Variants in PLEKHH2 observed in about 807,000 individuals in gnomAD.
PLEKHH2 encodes the protein pleckstrin homology, MyTH4 and FERM domain containing H2, also known as pleckstrin homology domain-containing family H member 2.
Under a neutral mutation model 187.9 loss-of-function variants are expected in PLEKHH2, and 129 were observed. The ratio of observed to expected loss-of-function variants is 0.69; its 90% confidence interval spans 0.59 to 0.79. PLEKHH2 has a LOEUF of 0.79. Among genes scored for constraint, PLEKHH2 ranks in the 30% least tolerant of loss-of-function variants. The probability of loss-of-function intolerance (pLI) is 0.00; values close to 1 mark genes in which losing one functional copy is unlikely to be tolerated. For missense variants in PLEKHH2, 2,076 were observed against 1,751.2 expected, an observed-to-expected ratio of 1.19 and a Z score of -3.31; for synonymous variants, 686 against 605.6, an observed-to-expected ratio of 1.13 and a Z score of -1.95.
chr2:43,712,610 C>T (rs1317845540), intron 15 of PLEKHH2, among the ~76,000 whole-genome samples: 6 of 152,108 alleles, frequency 3.9e-5, no homozygotes, highest in East Asian at 1.9e-4. Context: ...AAAAATTCTA[C>T]GAGCAGAATT....
intron 2 of PLEKHH2, among the ~76,000 whole-genome samples, chr2:43,647,285 A>G (rs1388740346): frequency 1.3e-5 from 2 of 152,260 alleles, no homozygotes; most frequent in African/African-American, 4.8e-5. Context: ...TGAGGTAGTT[A>G]CTAATATTAT....
At chr2:43,762,609 A>T (rs1426361750) in intron 28 of PLEKHH2, among the ~76,000 whole-genome samples, 1 of 152,180 alleles carries the variant, frequency 6.6e-6, no homozygotes, top group African/African-American at 2.4e-5. Context: ...TATGAGAAAA[A>T]TCTTGATACC....
chr2:43,701,806 C>G (rs375060045), intron 8 of PLEKHH2, among the ~76,000 whole-genome samples: 2 of 126,236 alleles, frequency 1.6e-5, no homozygotes, highest in African/African-American at 6.2e-5. Flanking sequence ...TCACTCTTGT[C>G]TCCCGGGCTA....
chr2:43,747,109 C>T lies in PLEKHH2; in HGVS notation c.3653+1146C>T, dbSNP rs201858898. ...TTCTTTCTGTCTCTCTCTCTCTCTC[C>T]CTCTCTCTCTCTCTCTCTCTCTCTC... On this transcript the variant is annotated intron_variant, in intron 24 of 29. Coordinates refer to ENST00000282406, the MANE Select transcript of PLEKHH2 (RefSeq NM_172069.4). Among the ~76,000 whole-genome samples, 492 of 126,030 alleles carry T rather than the reference C, an allele frequency of 3.9e-3. 1 individual carries two copies. The highest frequency in any genetic ancestry group is 9.8e-3 in the African/African-American group (307 of 31,326). The allele number at this position is 126,030 out of a possible 152,430, so 82.7% of individuals were successfully genotyped here.
chr2:43,726,450 A>T lies in PLEKHH2; in HGVS notation c.2720A>T (p.Lys907Met), dbSNP rs1421514419. ...TYLLIGSKHE[K>M]DTWLYHLTVA... ...CTCCTAATTGGATCCAAGCATGAAA[A>T]GGTATTCAAAGACTTATTGGTTGAT... Residue 907 changes from lysine (K) to methionine (M), a missense_variant and splice_region_variant, in exon 17 of 30, where the codon AAG becomes ATG. Transcript: ENST00000282406. 1 of 1,595,970 alleles carries T rather than the reference A, an allele frequency of 6.3e-7. No individual in the cohort carries two copies. The highest frequency in any genetic ancestry group is 1.7e-5 in the Admixed American group (1 of 59,922).
chr2:43,744,867 C>CAAAA (rs774106764), intron 23 of PLEKHH2, among the ~76,000 whole-genome samples: 32 of 82,612 alleles, frequency 3.9e-4, no homozygotes, highest in African/African-American at 5.1e-4. Flanking sequence ...GACTGTCTCA[C>CAAAA]AAAAAAAAAA....
chr2:43,691,602 G>A lies in PLEKHH2; in HGVS notation c.187-912G>A, dbSNP rs1347251573. Among the ~76,000 whole-genome samples, 4 of 152,160 alleles carry A rather than the reference G, an allele frequency of 2.6e-5. 1 individual carries two copies. Among genetic ancestry groups the A allele is most frequent in the African/African-American group, 7.2e-5 (3 of 41,448 alleles). On this transcript the variant is annotated intron_variant, in intron 3 of 29. Transcript: ENST00000282406. The stretch of plus-strand genomic sequence containing the variant: ...CAGCTTGAAGGTTGGGTTTCACCAG[G>A]GACCTGCCCCATCTGCCTAGGCATT...
rs531252733 is a variant in PLEKHH2 at position 43,646,674 on chromosome 2, T to C, written c.123+1878T>C. 9.6e-4 allele frequency among the ~76,000 whole-genome samples: 146 copies of C among 152,274 alleles called. 1 individual carries two copies. Among genetic ancestry groups the C allele is most frequent in the African/African-American group, 3.4e-3 (142 of 41,572 alleles). On this transcript the variant is annotated intron_variant, in intron 2 of 29. Transcript: ENST00000282406. ...AAAAGTGTTGTTATCTCCAGTAATT[T>C]CTCTATAAGTAAAATAGCTTTTTTA... is the stretch of plus-strand genomic sequence containing the variant.
In PLEKHH2 at chr2:43,672,432, T is replaced by C. The variant is rs1574510061; in HGVS notation, c.124-6431T>C. On this transcript the variant is annotated intron_variant, in intron 2 of 29. Transcript: ENST00000282406. ...AAATTTCTGTTGGCTTTAGGTTTAATTTGCTCTTCCTAATGACTTTAATTC... is the reference window on the plus strand; with the variant it reads ...AAATTTCTGTTGGCTTTAGGTTTAACTTGCTCTTCCTAATGACTTTAATTC... Among the ~76,000 whole-genome samples the C allele has an allele frequency of 3.3e-5, 5 of 152,340 alleles. No individual in the cohort carries two copies. The South Asian group carries it at 1.0e-3, about 32-fold the overall frequency.
chr2:43,760,587 T>A (rs10205491), intron 27 of PLEKHH2, among the ~76,000 whole-genome samples: 209 of 152,278 alleles, frequency 1.4e-3, no homozygotes, highest in African/African-American at 4.9e-3. Flanking sequence ...AGTCTCGAAC[T>A]CCTGATCTGA....
chr2:43,741,224 A>G (rs1671547509), intron 21 of PLEKHH2, 181 bp downstream of exon 21: 2 of 467,370 alleles, frequency 4.3e-6, no homozygotes, highest in Non-Finnish European at 3.6e-6. Context: ...TGTTATGTTA[A>G]ATCTCTTAGG....
At chr2:43,668,275 A>G (rs13397906) in intron 2 of PLEKHH2, among the ~76,000 whole-genome samples, 1,981 of 152,320 alleles carry the variant, frequency 0.013, 40 homozygotes, top group African/African-American at 0.046. Flanking sequence ...CAGGTAATTC[A>G]CCCACCTTGG....
At chr2:43,662,425 A>G (rs201154641) in intron 2 of PLEKHH2, among the ~76,000 whole-genome samples, 7 of 6,492 alleles carry the variant, frequency 1.1e-3, no homozygotes, top group South Asian at 9.3e-3. Context: ...AGACAGGGAC[A>G]ATTTGACTTC....
chr2:43,670,285 A>ACTT (rs1667433900), intron 2 of PLEKHH2, among the ~76,000 whole-genome samples: 3 of 152,222 alleles, frequency 2.0e-5, no homozygotes, highest in African/African-American at 7.2e-5. Flanking sequence ...CGTATTAAGC[A>ACTT]GAACTGGCTT....
chr2:43,749,251 A>T (rs951156587), intron 24 of PLEKHH2, among the ~76,000 whole-genome samples: 1 of 152,114 alleles, frequency 6.6e-6, no homozygotes, highest in Non-Finnish European at 1.5e-5. Flanking sequence ...TTTGGTTGAC[A>T]GTTGGTTGAG....
intron 27 of PLEKHH2, among the ~76,000 whole-genome samples, chr2:43,761,131 C>G (rs781318746): frequency 1.1e-4 from 16 of 152,168 alleles, no homozygotes; most frequent in Non-Finnish European, 2.1e-4. Flanking sequence ...GTTTCTAACT[C>G]AGGGTTTTGT....
intron 28 of PLEKHH2, 37 bp downstream of exon 28, chr2:43,762,427 T>C: frequency 7.0e-7 from 1 of 1,435,834 alleles, no homozygotes. Context: ...TTAAGTCAAC[T>C]GTTTCCATTG....
chr2:43,709,918 G>T, intron 11 of PLEKHH2, 72 bp from the exon 12 acceptor site: 1 of 1,371,460 alleles, frequency 7.3e-7, no homozygotes, highest in South Asian at 1.4e-5. Flanking sequence ...CATTCTGTAG[G>T]AGCACTCAGA....
chr2:43,713,975 T>C (rs1313897287), intron 15 of PLEKHH2, among the ~76,000 whole-genome samples: 4 of 152,214 alleles, frequency 2.6e-5, no homozygotes, highest in Admixed American at 2.6e-4. Flanking sequence ...CTATGTACTA[T>C]GTTTTTTCTA....
Sources: allele counts gnomAD v4.1 joint callset (sites outside exome capture counted in the v4.1 genomes callset), GRCh38; gene constraint gnomAD v4.1.1; transcripts MANE v1.5; gene names NCBI Gene and HGNC (gene_info 2026-07-23, HGNC 2026-07-21).